NEO1: variants seen among roughly 807,000 people sequenced by gnomAD.
The protein encoded by NEO1 is neogenin.
In NEO1, 63 loss-of-function variants were observed where a neutral mutation model predicts 159.7. The ratio of observed to expected loss-of-function variants is 0.39; its 90% CI spans 0.32 to 0.49. The LOEUF (loss-of-function observed/expected upper bound fraction) is 0.49. Ranked by LOEUF, NEO1 falls within the 20% of genes least tolerant of loss-of-function variation. The pLI, the probability that NEO1 is intolerant of heterozygous loss-of-function variation, is 0.85. For missense variants in NEO1, 1,615 were observed against 1,831.0 expected (o/e 0.88, Z 2.15); for synonymous variants, 633 against 662.0 (o/e 0.96, Z 0.67).
At chr15:73,224,568 C>G (rs1298179047) in intron 7 of NEO1, among the ~76,000 whole-genome samples, 1 of 141,588 alleles carries the variant, frequency 7.1e-6, no homozygotes, top group African/African-American at 2.4e-5. Context: ...TCTTTGAGCT[C>G]TCAATTTCTT....
chr15:73,061,109 A>T (rs930551800), intron 1 of NEO1, among the ~76,000 whole-genome samples: 17 of 152,222 alleles, frequency 1.1e-4, no homozygotes, highest in African/African-American at 4.1e-4. Context: ...TTTAATTCAT[A>T]GGCAGTTCTA....
At chr15:73,165,910 C>G (rs114500803) in intron 5 of NEO1, among the ~76,000 whole-genome samples, 2 of 152,136 alleles carry the variant, frequency 1.3e-5, no homozygotes, top group African/African-American at 4.8e-5. Context: ...GCTTTGTTCC[C>G]CTTACTGCAC....
intron 5 of NEO1, among the ~76,000 whole-genome samples, chr15:73,172,167 A>T (rs1193059709): frequency 6.6e-6 from 1 of 152,186 alleles, no homozygotes; most frequent in East Asian, 1.9e-4. Context: ...CGTAATAGGT[A>T]CATAGGATTT....
At chr15:73,123,807 C>G (rs1436396515) in intron 3 of NEO1, among the ~76,000 whole-genome samples, 2 of 152,108 alleles carry the variant, frequency 1.3e-5, no homozygotes, top group Non-Finnish European at 2.9e-5. Flanking sequence ...TATAATTGAA[C>G]TATCCCTACA....
In NEO1 at chr15:73,290,640, TATC is replaced by T. The variant is rs561365950; in HGVS notation, c.3742+1405_3742+1407del. ...AATAATAGTTGAAATTCAAAATAAA[TATC>T]ATGATTAAACCAGAAAGCAGTGGGA... is the stretch of plus-strand genomic sequence containing the variant. On this transcript the variant is annotated intron_variant, in intron 25 of 28. Coordinates refer to ENST00000261908, the MANE Select transcript of NEO1 (RefSeq NM_002499.4). Among the ~76,000 whole-genome samples the T allele has an allele frequency of 1.4e-3, 208 of 152,262 alleles. 1 individual carries two copies. The highest frequency in any genetic ancestry group is 3.4e-3 in the Middle Eastern group (1 of 294).
intron 8 of NEO1, among the ~76,000 whole-genome samples, chr15:73,238,271 GTTTTTTTTTTTTT>G (rs55887721): frequency 1.5e-4 from 6 of 38,852 alleles, no homozygotes; most frequent in African/African-American, 6.2e-4. Context: ...TTTAGTTTGG[GTTTTTTTTTTTTT>G]TTTTTTTTTT....
chr15:73,130,036 C>T (rs965696399), intron 4 of NEO1, among the ~76,000 whole-genome samples: 1 of 152,122 alleles, frequency 6.6e-6, no homozygotes, highest in Non-Finnish European at 1.5e-5. Flanking sequence ...CGCTCTGTTA[C>T]CCAGGCTGGA....
rs2041113150 is a variant in NEO1, at chr15:73,270,313, C to T, written c.2719-3C>T. ...TTAAAGTCTCAATTCATGTTTTTTT[C>T]AGAATGCAAATGCAACCACTTTGAG... On this transcript the variant is annotated splice_region_variant and splice_polypyrimidine_tract_variant and intron_variant, in intron 17 of 28. Coordinates refer to ENST00000261908, the MANE Select transcript of NEO1 (RefSeq NM_002499.4). 2 of 1,613,320 alleles carry T rather than the reference C, an allele frequency of 1.2e-6. No individual in the cohort carries two copies. The highest frequency in any genetic ancestry group is 1.3e-5 in the African/African-American group (1 of 74,846).
At chr15:73,280,250 C>T (rs545840277) in intron 22 of NEO1, among the ~76,000 whole-genome samples, 1 of 151,462 alleles carries the variant, frequency 6.6e-6, no homozygotes, top group Admixed American at 6.6e-5. Flanking sequence ...CACACCACTG[C>T]ACTCCAGCCT....
chr15:73,285,108 A>G (rs1212768391), intron 23 of NEO1, among the ~76,000 whole-genome samples: 1 of 152,128 alleles, frequency 6.6e-6, no homozygotes, highest in East Asian at 1.9e-4. Context: ...AGTGCTTTGG[A>G]AGACTTCAAA....
Position 73,302,653 on chromosome 15 carries a change from T to A in NEO1, c.4343T>A (p.Leu1448Gln). ...GAGCTGACCAAAGAGATGGCCCACC[T>A]GGAAGGACTAATGAAGGACCTAAAC... ...PDELTKEMAHLEGLMKDLNAI... is the reference protein window; with the variant it reads ...PDELTKEMAHQEGLMKDLNAI... The change falls in exon 29 of 29, where the codon CTG (leucine) becomes CAG (glutamine). Residue 1448 changes from leucine to glutamine, a missense_variant. Leu to Gln is a moderately radical substitution (Grantham distance 113). This residue lies in a region of NEO1 where 471 missense variants were observed against 498.9 expected (regional missense o/e 0.94). Transcript: ENST00000261908. The A allele has an allele frequency of 6.2e-7, 1 of 1,614,112 alleles. No individual in the cohort carries two copies. Among genetic ancestry groups the A allele is most frequent in the Non-Finnish European group, 8.5e-7 (1 of 1,179,974 alleles).
At chr15:73,145,263 C>T (rs1461009498) in intron 5 of NEO1, among the ~76,000 whole-genome samples, 3 of 152,164 alleles carry the variant, frequency 2.0e-5, no homozygotes, top group South Asian at 2.1e-4. Flanking sequence ...CCCATTTTTG[C>T]GTACTGATTG....
At chr15:73,204,801 G>GC (rs1369790876) in intron 7 of NEO1, among the ~76,000 whole-genome samples, 1 of 152,032 alleles carries the variant, frequency 6.6e-6, no homozygotes, top group Non-Finnish European at 1.5e-5. Flanking sequence ...CTTGTTTGGG[G>GC]CATGAAAATA....
At chr15:73,070,925 G>T (rs561884278) in intron 1 of NEO1, among the ~76,000 whole-genome samples, 1 of 152,254 alleles carries the variant, frequency 6.6e-6, no homozygotes, top group African/African-American at 2.4e-5. Context: ...TTCAGTAGGG[G>T]CTGGTTGCCT....
intron 5 of NEO1, among the ~76,000 whole-genome samples, chr15:73,163,111 AT>A (rs1386465244): frequency 1.3e-5 from 2 of 152,090 alleles, no homozygotes; most frequent in Non-Finnish European, 2.9e-5. Context: ...GTACGTATCT[AT>A]TTTATTGTTT....
chr15:73,052,730 T>C lies in NEO1; in HGVS notation c.55T>C (p.Tyr19His). 6 of 1,333,944 alleles carry C rather than the reference T, an allele frequency of 4.5e-6. No individual in the cohort carries two copies. The highest frequency in any genetic ancestry group is 5.8e-6 in the Non-Finnish European group (6 of 1,034,396). The allele number at this position is 1,333,944 out of a possible 1,614,324, so 82.6% of individuals were successfully genotyped here. Residue 19 changes from tyrosine (Y) to histidine (H), a missense_variant, in exon 1 of 29, where the codon TAC becomes CAC. Coordinates refer to ENST00000261908, the MANE Select transcript of NEO1 (RefSeq NM_002499.4). ...RLLSTPSFWL[Y>H]CLLLLGRRAP... is the part of the protein sequence containing the mutation. ...CCTCAGCACCCCCTCCTTCTGGCTCTACTGCCTGCTGCTGCTCGGGCGCCG... is the reference window on the plus strand; with the variant it reads ...CCTCAGCACCCCCTCCTTCTGGCTCCACTGCCTGCTGCTGCTCGGGCGCCG...
intron 1 of NEO1, among the ~76,000 whole-genome samples, chr15:73,094,074 T>A (rs1019668135): frequency 1.3e-5 from 2 of 152,204 alleles, no homozygotes; most frequent in African/African-American, 2.4e-5. Flanking sequence ...CTATTTTTTT[T>A]AATTGCGATA....
chr15:73,056,901 C>G (rs946361321), intron 1 of NEO1, among the ~76,000 whole-genome samples: 6 of 152,016 alleles, frequency 3.9e-5, no homozygotes, highest in African/African-American at 1.5e-4. Flanking sequence ...GAATGAGGCA[C>G]AAAAGAGATC....
At chr15:73,084,071 T>C (rs771141451) in intron 1 of NEO1, among the ~76,000 whole-genome samples, 18 of 152,158 alleles carry the variant, frequency 1.2e-4, no homozygotes, top group Non-Finnish European at 2.4e-4. Context: ...AATGGCTAAA[T>C]TGAGCTAATT....
Sources: allele counts gnomAD v4.1 joint callset (sites outside exome capture counted in the v4.1 genomes callset), GRCh38; gene constraint gnomAD v4.1.1; regional missense constraint gnomAD v4.1.1; transcripts MANE v1.5; gene names NCBI Gene and HGNC (gene_info 2026-07-23, HGNC 2026-07-21).